Variants in NKAIN3 observed in about 807,000 individuals in gnomAD.
NKAIN3 encodes the protein sodium/potassium-transporting ATPase subunit beta-1-interacting protein 3.
A neutral mutation model predicts 30.2 loss-of-function variants in NKAIN3; 25 were observed. The observed-to-expected ratio is 0.83, with a 90% CI of 0.60 to 1.16. The LOEUF (loss-of-function observed/expected upper bound fraction) is 1.16. NKAIN3 is among the 50% of genes most tolerant of loss of function. NKAIN3 has a pLI of 0.00. For synonymous variants in NKAIN3, 91 were observed against 89.6 expected (o/e 1.02, Z -0.09); for missense variants, 225 against 254.1 (o/e 0.89, Z 0.78).
chr8:62,288,361 A>G (rs1172037463), intron 1 of NKAIN3, among the ~76,000 whole-genome samples: 3 of 152,166 alleles, frequency 2.0e-5, no homozygotes, highest in African/African-American at 7.2e-5. Context: ...TATTTACATT[A>G]GGTATATCTC....
chr8:62,366,950 CTT>C (rs1816757233), intron 1 of NKAIN3, among the ~76,000 whole-genome samples: 1 of 151,918 alleles, frequency 6.6e-6, no homozygotes, highest in Non-Finnish European at 1.5e-5. Context: ...TTTTTTGACT[CTT>C]GGTTATTTAG....
chr8:62,878,107 T>C (rs1196926252), intron 4 of NKAIN3, among the ~76,000 whole-genome samples: 1 of 149,104 alleles, frequency 6.7e-6, no homozygotes, highest in Non-Finnish European at 1.5e-5. Context: ...AATAATAAAA[T>C]ATGTGCAATA....
At chr8:62,922,026 T>G (rs1326417292) in intron 5 of NKAIN3, among the ~76,000 whole-genome samples, 1 of 152,186 alleles carries the variant, frequency 6.6e-6, no homozygotes, top group Admixed American at 6.5e-5. Flanking sequence ...AAGGCTAGTC[T>G]GGGTTGTATA....
chr8:62,932,275 G>A (rs1169774013), intron 5 of NKAIN3, among the ~76,000 whole-genome samples: 1 of 152,160 alleles, frequency 6.6e-6, no homozygotes, highest in African/African-American at 2.4e-5. Flanking sequence ...ATGCCACAAG[G>A]ATACAGAGAT....
intron 1 of NKAIN3, among the ~76,000 whole-genome samples, chr8:62,563,965 T>C (rs2129989558): frequency 6.6e-6 from 1 of 152,234 alleles, no homozygotes; most frequent in East Asian, 1.9e-4. Flanking sequence ...AGGCAAACCA[T>C]ACACACTAGA....
chr8:62,950,660 T>TA (rs1019273644), intron 5 of NKAIN3, among the ~76,000 whole-genome samples: 12 of 151,458 alleles, frequency 7.9e-5, no homozygotes, highest in African/African-American at 2.7e-4. Context: ...AATAGCAATT[T>TA]AAAAAAAAAG....
At chr8:62,928,715 G>T (rs1279627498) in intron 5 of NKAIN3, among the ~76,000 whole-genome samples, 3 of 152,192 alleles carry the variant, frequency 2.0e-5, no homozygotes, top group African/African-American at 7.2e-5. Flanking sequence ...ACATAGACCA[G>T]CACTGAAGCT....
intron 1 of NKAIN3, among the ~76,000 whole-genome samples, chr8:62,518,953 C>A (rs1808074869): frequency 6.6e-6 from 1 of 152,144 alleles, no homozygotes; most frequent in Non-Finnish European, 1.5e-5. Context: ...CTCTCAGAGT[C>A]ATTTTAGCAC....
chr8:62,278,829 C>T (rs1813062103), intron 1 of NKAIN3, among the ~76,000 whole-genome samples: 1 of 152,172 alleles, frequency 6.6e-6, no homozygotes. Context: ...AATAGTGCTG[C>T]AATAAACACA....
intron 1 of NKAIN3, among the ~76,000 whole-genome samples, chr8:62,321,327 A>G (rs1283692950): frequency 6.6e-6 from 1 of 152,052 alleles, no homozygotes; most frequent in Non-Finnish European, 1.5e-5. Context: ...CCTTCTCTCA[A>G]CTTGTCAAAG....
chr8:62,295,109 C>A (rs991055452), intron 1 of NKAIN3, among the ~76,000 whole-genome samples: 1 of 152,110 alleles, frequency 6.6e-6, no homozygotes, highest in African/African-American at 2.4e-5. Context: ...TGAAAGGAGG[C>A]ACAACCTTAA....
chr8:62,353,750 T>C (rs191034508), intron 1 of NKAIN3, among the ~76,000 whole-genome samples: 38 of 152,282 alleles, frequency 2.5e-4, no homozygotes, highest in Non-Finnish European at 4.1e-4. Context: ...TTTTGTCAAA[T>C]GTGAGTAACT....
Position 62,566,455 on chromosome 8 carries a change from TAAAG to T in NKAIN3, c.55-13076_55-13073del, listed in dbSNP as rs774830737. On this transcript the variant is annotated intron_variant, in intron 1 of 6. Coordinates refer to ENST00000623646, the MANE Select transcript of NKAIN3 (RefSeq NM_001304533.3). ...ATAATTAATAAATGAATGAGTGAAC[TAAAG>T]AAAGAAAAAAATTAATTAATGGCTT... 8.5e-4 allele frequency among the ~76,000 whole-genome samples: 124 copies of T among 146,252 alleles called. 1 individual carries two copies. The highest frequency in any genetic ancestry group is 3.4e-3 in the Middle Eastern group (1 of 290).
chr8:62,567,484 C>G (rs965388844), intron 1 of NKAIN3, among the ~76,000 whole-genome samples: 2 of 152,106 alleles, frequency 1.3e-5, no homozygotes, highest in Non-Finnish European at 2.9e-5. Context: ...ATGCATGTCA[C>G]AGATGAAATT....
At chr8:62,735,333 T>A (rs1012347897) in intron 3 of NKAIN3, among the ~76,000 whole-genome samples, 7 of 151,740 alleles carry the variant, frequency 4.6e-5, no homozygotes, top group African/African-American at 1.4e-4. Flanking sequence ...CTGGATTGGG[T>A]TAATTCAAAA....
intron 3 of NKAIN3, among the ~76,000 whole-genome samples, chr8:62,618,468 T>C (rs1042719283): frequency 4.6e-5 from 7 of 151,946 alleles, no homozygotes; most frequent in African/African-American, 1.7e-4. Flanking sequence ...CTGCTGTGTC[T>C]CAAAACTGCT....
At chr8:62,323,300 T>G (rs1189226996) in intron 1 of NKAIN3, among the ~76,000 whole-genome samples, 1 of 152,114 alleles carries the variant, frequency 6.6e-6, no homozygotes, top group African/African-American at 2.4e-5. Flanking sequence ...ACAGAGATAC[T>G]CTCTAAAAGA....
chr8:62,519,044 A>G (rs1411647462), intron 1 of NKAIN3, among the ~76,000 whole-genome samples: 1 of 152,144 alleles, frequency 6.6e-6, no homozygotes, highest in Non-Finnish European at 1.5e-5. Flanking sequence ...GCTCCAAAAT[A>G]TTTCATGTAG....
At chr8:62,287,535 T>TG (rs1813418493) in intron 1 of NKAIN3, among the ~76,000 whole-genome samples, 1 of 152,126 alleles carries the variant, frequency 6.6e-6, no homozygotes, top group Admixed American at 6.6e-5. Flanking sequence ...CTCAGCTTTT[T>TG]GGGGGGAATT....
Sources: gnomAD v4.1 joint callset for allele counts (sites outside exome capture counted in the v4.1 genomes callset) on GRCh38, gnomAD v4.1.1 for gene constraint, MANE v1.5 for transcripts, NCBI Gene and HGNC (gene_info 2026-07-23, HGNC 2026-07-21) for gene names.